Variants in PTPRT observed in about 807,000 individuals in gnomAD.
PTPRT encodes receptor-type tyrosine-protein phosphatase T.
Under a neutral mutation model 176.8 loss-of-function variants are expected in PTPRT, and 56 were observed. The observed-to-expected ratio is 0.32, with a 90% CI of 0.26 to 0.40. The LOEUF (loss-of-function observed/expected upper bound fraction) is 0.40. PTPRT is among the 10% of genes least tolerant of loss of function. The probability of loss-of-function intolerance (pLI) is 1.00; values close to 1 mark genes in which losing one functional copy is unlikely to be tolerated. For synonymous variants in PTPRT, 783 were observed against 739.0 expected (o/e 1.06, Z -0.96); for missense variants, 1,540 against 1,908.2 (o/e 0.81, Z 3.60).
At chr20:42,573,929 T>C (rs976242978) in intron 7 of PTPRT, among the ~76,000 whole-genome samples, 5 of 152,044 alleles carry the variant, frequency 3.3e-5, no homozygotes. Context: ...TTTGTATTTT[T>C]AGTAGAGACG....
At chr20:42,468,904 G>T (rs932667033) in intron 8 of PTPRT, among the ~76,000 whole-genome samples, 6 of 152,144 alleles carry the variant, frequency 3.9e-5, no homozygotes, top group Admixed American at 1.3e-4. Flanking sequence ...CCCTGACTCT[G>T]TTTCTCATAT....
At chr20:42,616,996 A>G (rs2074093311) in intron 7 of PTPRT, among the ~76,000 whole-genome samples, 1 of 134,674 alleles carries the variant, frequency 7.4e-6, no homozygotes, top group Non-Finnish European at 1.5e-5. Context: ...GTGGTGAGAG[A>G]GGGCATCCCT....
At chr20:43,034,633 T>C (rs1986298632) in intron 1 of PTPRT, among the ~76,000 whole-genome samples, 1 of 150,104 alleles carries the variant, frequency 6.7e-6, no homozygotes, top group South Asian at 2.1e-4. Context: ...CAAAAGTAAT[T>C]GCAGTTTTTG....
chr20:42,277,308 G>A (rs1370383041), intron 13 of PTPRT, among the ~76,000 whole-genome samples: 1 of 152,162 alleles, frequency 6.6e-6, no homozygotes, highest in Non-Finnish European at 1.5e-5. Context: ...TTGTCTCAAT[G>A]ACTCGGCTCA....
At chr20:42,302,540 C>T (rs1237670800) in intron 12 of PTPRT, among the ~76,000 whole-genome samples, 29 of 152,208 alleles carry the variant, frequency 1.9e-4, no homozygotes, top group South Asian at 2.1e-4. Context: ...TTTTCCTAGG[C>T]ACCTCCTCAT....
At position 42,633,799 on chromosome 20, in the gene PTPRT, AT is replaced by A. The variant is rs2074469947; in HGVS notation, c.1153+44066del. On this transcript the variant is annotated intron_variant, in intron 7 of 30. Transcript: ENST00000373187. ...AGACTCTGAAAATATATATATATAT[AT>A]ATATATATATATATATATAATAAAA... Among the ~76,000 whole-genome samples the A allele has an allele frequency of 6.3e-5, 4 of 63,338 alleles. 1 individual carries two copies. The highest frequency in any genetic ancestry group is 4.2e-4 in the South Asian group (1 of 2,372). The allele number at this position is 63,338 out of a possible 152,430, so 41.6% of individuals were successfully genotyped here.
At chr20:42,270,524 G>T in intron 13 of PTPRT, 3 of 1,365,696 alleles carry the variant, frequency 2.2e-6, no homozygotes, top group Non-Finnish European at 3.1e-6. Context: ...ACATGAAAAC[G>T]TGCAGCACGG....
chr20:43,064,205 G>A (rs1203032894), intron 1 of PTPRT, among the ~76,000 whole-genome samples: 1 of 151,972 alleles, frequency 6.6e-6, no homozygotes, highest in Non-Finnish European at 1.5e-5. Flanking sequence ...TATGATAATG[G>A]CAATTCTTAG....
intron 29 of PTPRT, among the ~76,000 whole-genome samples, chr20:42,082,584 GAGGAACTGGT>G (rs1308725212): frequency 2.0e-5 from 3 of 152,186 alleles, no homozygotes; most frequent in Non-Finnish European, 4.4e-5. Context: ...AACTTGGAGG[GAGGAACTGGT>G]CCTGATAGGC....
chr20:43,012,084 G>C (rs1173204519), intron 1 of PTPRT, among the ~76,000 whole-genome samples: 1 of 152,140 alleles, frequency 6.6e-6, no homozygotes, highest in African/African-American at 2.4e-5. Context: ...TGGCTTCCTT[G>C]CTCCTCAGCT....
At chr20:42,097,700 T>C (rs1985406420) in intron 27 of PTPRT, among the ~76,000 whole-genome samples, 1 of 152,230 alleles carries the variant, frequency 6.6e-6, no homozygotes, top group Non-Finnish European at 1.5e-5. Context: ...CCAGCTCTCA[T>C]ATGGGAATTC....
chr20:42,362,317 G>A (rs1432479614), intron 9 of PTPRT, among the ~76,000 whole-genome samples: 1 of 152,014 alleles, frequency 6.6e-6, no homozygotes, highest in African/African-American at 2.4e-5. Flanking sequence ...TACATCATAT[G>A]CCTCTTGATA....
At chr20:42,706,889 T>C (rs1266244008) in intron 6 of PTPRT, among the ~76,000 whole-genome samples, 3 of 152,214 alleles carry the variant, frequency 2.0e-5, no homozygotes, top group Non-Finnish European at 4.4e-5. Context: ...GATGAAACAC[T>C]ATACTGGAAT....
intron 7 of PTPRT, among the ~76,000 whole-genome samples, chr20:42,476,335 G>A (rs2071288854): frequency 1.3e-5 from 2 of 152,286 alleles, no homozygotes; most frequent in East Asian, 3.9e-4. Context: ...TGAACAAATG[G>A]CAGAATATTG....
intron 12 of PTPRT, among the ~76,000 whole-genome samples, chr20:42,306,447 C>T (rs986397467): frequency 3.9e-5 from 6 of 152,144 alleles, no homozygotes; most frequent in African/African-American, 1.4e-4. Flanking sequence ...TGGTGACAGA[C>T]AAGAGCTGTG....
chr20:42,142,909 T>C (rs1297394588), intron 17 of PTPRT, among the ~76,000 whole-genome samples: 1 of 152,136 alleles, frequency 6.6e-6, no homozygotes, highest in Non-Finnish European at 1.5e-5. Context: ...TGTAATTCCT[T>C]AATATGAAAC....
intron 6 of PTPRT, among the ~76,000 whole-genome samples, chr20:42,716,010 A>G (rs1205058024): frequency 1.3e-5 from 2 of 152,182 alleles, no homozygotes. Context: ...AATAAAATAC[A>G]TTGTTTAAAA....
chr20:43,071,376 G>T lies in PTPRT; in HGVS notation c.88+118270C>A, dbSNP rs190344502. Among the ~76,000 whole-genome samples, 4 of 152,318 alleles carry T rather than the reference G, an allele frequency of 2.6e-5. No homozygotes were observed. In the East Asian group the frequency reaches 7.7e-4, roughly 29 times the overall value. On this transcript the variant is annotated intron_variant, in intron 1 of 30. Transcript: ENST00000373187. Reference sequence around the variant, plus strand: ...ATTTGTGGTTGAACAAGCTCTCCAGGTGCTTCTCATGGATGCTCGAGTTTG... The same window carrying T: ...ATTTGTGGTTGAACAAGCTCTCCAGTTGCTTCTCATGGATGCTCGAGTTTG...
At chr20:42,370,311 A>T (rs2058570470) in intron 9 of PTPRT, among the ~76,000 whole-genome samples, 1 of 152,176 alleles carries the variant, frequency 6.6e-6, no homozygotes, top group South Asian at 2.1e-4. Context: ...GATAACGGCC[A>T]GCGACAGGAG....
Sources: allele counts gnomAD v4.1 joint callset (sites outside exome capture counted in the v4.1 genomes callset), GRCh38; gene constraint gnomAD v4.1.1; transcripts MANE v1.5; gene names NCBI Gene and HGNC (gene_info 2026-07-23, HGNC 2026-07-21).